Variants in PPP6R2 observed in about 807,000 individuals in gnomAD.
PPP6R2 encodes serine/threonine-protein phosphatase 6 regulatory subunit 2.
Under a neutral mutation model 100.2 loss-of-function variants are expected in PPP6R2, and 62 were observed. The observed-to-expected ratio is 0.62, with a 90% CI of 0.50 to 0.76. The LOEUF is 0.76. Ranked by LOEUF, PPP6R2 falls within the 30% of genes least tolerant of loss-of-function variation. PPP6R2 has a pLI of 0.00. For missense variants in PPP6R2, 1,142 were observed against 1,276.3 expected (o/e 0.89, Z 1.60); for synonymous variants, 525 against 514.7 (o/e 1.02, Z -0.27).
At chr22:50,331,872 G>C in the PPP6R2 span, among the ~76,000 whole-genome samples, 1 of 152,048 alleles carries the variant, frequency 6.6e-6, no homozygotes, top group Non-Finnish European at 1.5e-5. Context: ...CACCCGCCTT[G>C]GCCTCTCAAA....
At chr22:50,389,928 G>T (rs2055088380) in intron 2 of PPP6R2, among the ~76,000 whole-genome samples, 1 of 151,800 alleles carries the variant, frequency 6.6e-6, no homozygotes, top group Non-Finnish European at 1.5e-5. Flanking sequence ...AATGTGGGGA[G>T]AGCTGATAGA....
In PPP6R2 at chr22:50,443,862, A is replaced by T; in HGVS notation, c.2580-4A>T. On this transcript the variant is annotated splice_polypyrimidine_tract_variant and splice_region_variant and intron_variant, in intron 22 of 23. Transcript: ENST00000612753. ...CGTAACCGGAGTCCATGTTTGCCAC[A>T]CAGGGTCGGGTGTGCTGACAGCCGG... The T allele has an allele frequency of 6.4e-7, 1 of 1,570,170 alleles. No individual in the cohort carries two copies. The highest frequency in any genetic ancestry group is 1.1e-5 in the South Asian group (1 of 87,158).
chr22:50,357,745 T>G (rs985341660), intron 1 of PPP6R2, among the ~76,000 whole-genome samples: 1 of 151,964 alleles, frequency 6.6e-6, no homozygotes, highest in Non-Finnish European at 1.5e-5. Flanking sequence ...TGCCTCGGCC[T>G]CCCGAGTAGC....
chr22:50,395,418 G>C (rs896326898), intron 3 of PPP6R2, among the ~76,000 whole-genome samples: 4 of 152,156 alleles, frequency 2.6e-5, no homozygotes, highest in African/African-American at 9.7e-5. Context: ...TCATGGTGCA[G>C]ATCTGCGAGG....
rs146440524 is a variant in PPP6R2 at position 50,358,638 on chromosome 22, G to A, written c.-147-13382G>A. 1.5e-3 allele frequency among the ~76,000 whole-genome samples: 233 copies of A among 152,194 alleles called. 3 individuals are homozygous for A. In the East Asian group the frequency reaches 0.04, roughly 26 times the overall value. ...CATTGTCCCCAGAATTTCCTCATGC[G>A]CCATTGGGATTCTTTCCTTCCACTC... On this transcript the variant is annotated intron_variant, in intron 1 of 23. Coordinates refer to ENST00000612753, the MANE Select transcript of PPP6R2 (RefSeq NM_001242898.2).
intron 3 of PPP6R2, among the ~76,000 whole-genome samples, chr22:50,394,672 C>T (rs913660306): frequency 8.0e-5 from 12 of 150,116 alleles, no homozygotes; most frequent in African/African-American, 2.2e-4. Context: ...TTTGGGAGGC[C>T]GAAGCAGGCA....
Position 50,438,003 on chromosome 22 carries a change from G to A in PPP6R2, c.1839+103G>A, listed in dbSNP as rs1296198222. 4 of 1,512,032 alleles carry A rather than the reference G, an allele frequency of 2.6e-6. No individual in the cohort carries two copies. In the African/African-American group the frequency reaches 4.2e-5, roughly 16 times the overall value. The allele number at this position is 1,512,032 out of a possible 1,614,324, so 93.7% of individuals were successfully genotyped here. A position where few individuals can be genotyped will look rare whatever the true frequency, so the allele number is the denominator to read the frequency against. On this transcript the variant is annotated intron_variant, in intron 17 of 23. Transcript: ENST00000612753. ...ATGGGCCTGTGCGGTGGGGCTGGGA[G>A]AGGCCCCTCTGTGGAGCTCGGAACA... is the stretch of plus-strand genomic sequence containing the variant.
In PPP6R2 at chr22:50,423,646, C is replaced by G. The variant is rs1248771207; in HGVS notation, c.1125+32C>G. 6.2e-7 allele frequency: 1 copy of G among 1,612,574 alleles called. No homozygotes were observed. The highest frequency in any genetic ancestry group is 8.5e-7 in the Non-Finnish European group (1 of 1,179,244). Reference sequence around the variant, plus strand: ...GGGCCCCTCAGCCAGCCCTGCATGTCTGTGAGTGTGCCGGGCATGGCCTGT... The same window carrying G: ...GGGCCCCTCAGCCAGCCCTGCATGTGTGTGAGTGTGCCGGGCATGGCCTGT... On this transcript the variant is annotated intron_variant, in intron 10 of 23. Coordinates refer to ENST00000612753, the MANE Select transcript of PPP6R2 (RefSeq NM_001242898.2). The surrounding 1 kb of genome is among the most constrained non-coding windows in gnomAD (Gnocchi z 4.8).
intron 10 of PPP6R2, among the ~76,000 whole-genome samples, chr22:50,430,135 C>T (rs2062867557): frequency 6.6e-6 from 1 of 152,220 alleles, no homozygotes. Context: ...CCTATGTCCC[C>T]CTCTCTGTCC....
chr22:50,437,349 A>G (rs964862196), intron 15 of PPP6R2, among the ~76,000 whole-genome samples, 157 bp from the exon 16 acceptor site: 13 of 152,222 alleles, frequency 8.5e-5, no homozygotes, highest in African/African-American at 2.9e-4. Context: ...GTTTTGGTAG[A>G]ATCGTGAGCC....
chr22:50,431,280 C>T lies in PPP6R2; in HGVS notation c.1233C>T (p.Ser411=), dbSNP rs147275453. 2.4e-4 allele frequency: 384 copies of T among 1,613,536 alleles called. No individual in the cohort carries two copies. The African/African-American group carries it at 3.3e-3, about 14-fold the overall frequency. ...CCCGTGAGGAGAGGACAGAAGCCAG[C>T]GGATCCGAGAGCAGGGTGGAGCCTC... ...HAAREERTEA[S]GSESRVEPPH... is the part of the protein sequence containing the mutation. The change falls in exon 11 of 24, where the codon AGC becomes AGT. Residue 411 remains serine, a synonymous_variant. Transcript: ENST00000612753. This position sits in a 1 kb window ranked among gnomAD's most constrained non-coding sequence, Gnocchi z 4.8.
At chr22:50,340,527 GGGTA>G (rs1421391709), upstream of PPP6R2, among the ~76,000 whole-genome samples, 2 of 138,094 alleles carry the variant, frequency 1.4e-5, no homozygotes, top group African/African-American at 5.8e-5. Context: ...TGTGTGTGGG[GGGTA>G]TGTGGTGTGT....
intron 1 of PPP6R2, among the ~76,000 whole-genome samples, 184 bp downstream of exon 1, chr22:50,343,734 C>A (rs2042741521): frequency 1.0e-5 from 1 of 95,836 alleles, no homozygotes; most frequent in South Asian, 4.0e-4. Context: ...TCAGTCAGTG[C>A]CCCCTCCAGT....
intron 3 of PPP6R2, among the ~76,000 whole-genome samples, chr22:50,404,582 A>G (rs893088686): frequency 2.1e-5 from 3 of 143,882 alleles, no homozygotes; most frequent in African/African-American, 5.2e-5. Context: ...CGCCTGGCTA[A>G]TTTTTCTTTC....
At chr22:50,341,131 C>T (rs936551858), upstream of PPP6R2, among the ~76,000 whole-genome samples, 1 of 151,818 alleles carries the variant, frequency 6.6e-6, no homozygotes, top group African/African-American at 2.4e-5. Context: ...AGGCTGGTCT[C>T]GATCTCCTGA....
Position 50,394,030 on chromosome 22 carries a change from A to C in PPP6R2, c.122A>C (p.Asn41Thr). Residue 41 changes from asparagine to threonine, a missense_variant, in exon 3 of 24, where the codon AAC (asparagine) becomes ACC (threonine). Asn to Thr is a moderately conservative substitution (Grantham distance 65). This residue lies in a region of PPP6R2 where 592 missense variants were observed against 758.9 expected (regional missense o/e 0.78). Transcript: ENST00000612753. ...DDILQECKAQ[N>T]QKLLDFLCRQ... ...ATCTTGCAGGAGTGTAAGGCTCAGA[A>C]CCAGAAGCTGCTGGACTTCCTGTGC... 1 of 1,614,174 alleles carries C rather than the reference A, an allele frequency of 6.2e-7. No homozygotes were observed. Among genetic ancestry groups the C allele is most frequent in the Non-Finnish European group, 8.5e-7 (1 of 1,180,040 alleles).
At chr22:50,434,645 G>A (rs1356307272) in intron 12 of PPP6R2, among the ~76,000 whole-genome samples, 1 of 100,534 alleles carries the variant, frequency 9.9e-6, no homozygotes, top group Non-Finnish European at 2.0e-5. Context: ...AGGGCCGGGG[G>A]CATGGATGCT....
At position 50,387,038 on chromosome 22, in the gene PPP6R2, C is replaced by T. The variant is rs141697353; in HGVS notation, c.-16-6855C>T. On this transcript the variant is annotated intron_variant, in intron 2 of 23. Coordinates refer to ENST00000612753, the MANE Select transcript of PPP6R2 (RefSeq NM_001242898.2). ...TTTGGGAAGAAGCAGCCTTTGCGAACTTTATGTATGTATTAAATTAAAATC... is the reference window on the plus strand; with the variant it reads ...TTTGGGAAGAAGCAGCCTTTGCGAATTTTATGTATGTATTAAATTAAAATC... Among the ~76,000 whole-genome samples, 448 of 152,214 alleles carry T rather than the reference C, an allele frequency of 2.9e-3. 2 individuals are homozygous for T. Among genetic ancestry groups the T allele is most frequent in the African/African-American group, 9.9e-3 (413 of 41,532 alleles).
At chr22:50,385,671 A>T (rs899099645) in intron 2 of PPP6R2, among the ~76,000 whole-genome samples, 1 of 148,518 alleles carries the variant, frequency 6.7e-6, no homozygotes, top group African/African-American at 2.5e-5. Context: ...ACCTGCCACT[A>T]TGCCTGGCTA....
Sources: allele counts gnomAD v4.1 joint callset (sites outside exome capture counted in the v4.1 genomes callset), GRCh38; gene constraint gnomAD v4.1.1; regional missense constraint gnomAD v4.1.1; non-coding constraint Gnocchi (gnomAD v3.1); transcripts MANE v1.5; gene names NCBI Gene and HGNC (gene_info 2026-07-23, HGNC 2026-07-21).